The following SMC1B variants were observed in gnomAD, a reference collection of about 807,000 sequenced individuals.
SMC1B encodes the protein structural maintenance of chromosomes protein 1B.
In SMC1B, 60 loss-of-function variants were observed where a neutral mutation model predicts 157.9. That is an observed-to-expected ratio of 0.38 (90% CI 0.31 to 0.47). The LOEUF is 0.47. Ranked by LOEUF, SMC1B falls within the 20% of genes least tolerant of loss-of-function variation. SMC1B has a pLI of 0.99. For synonymous variants in SMC1B, 445 were observed against 483.0 expected (o/e 0.92, Z 1.03); for missense variants, 1,165 against 1,426.2 (o/e 0.82, Z 2.95).
chr22:45,396,068 TATAAC>T (rs2087120156), intron 7 of SMC1B, among the ~76,000 whole-genome samples: 1 of 152,252 alleles, frequency 6.6e-6, no homozygotes, highest in Admixed American at 6.5e-5. Flanking sequence ...TGTATAATTT[TATAAC>T]ATATCAATTA....
Position 45,344,337 on chromosome 22 carries a change from T to C in SMC1B, c.*219A>G, listed in dbSNP as rs1000340348. 31 of 346,758 alleles carry C rather than the reference T, an allele frequency of 8.9e-5. No homozygotes were observed. Among genetic ancestry groups the C allele is most frequent in the African/African-American group, 5.7e-4 (27 of 47,398 alleles). The allele number at this position is 346,758 out of a possible 1,614,324, so 21.5% of individuals were successfully genotyped here. A position where few individuals can be genotyped will look rare whatever the true frequency, so the allele number is the denominator to read the frequency against. On this transcript the variant is annotated 3_prime_UTR_variant, in exon 25 of 25. Coordinates refer to ENST00000357450, the MANE Select transcript of SMC1B (RefSeq NM_148674.5). Reference sequence around the variant, plus strand: ...TACCTTTTGTTTGTTTTTTAAAAACTCATTTGACACCAGCTCTCACTGAAA... The same window carrying C: ...TACCTTTTGTTTGTTTTTTAAAAACCCATTTGACACCAGCTCTCACTGAAA...
intron 23 of SMC1B, among the ~76,000 whole-genome samples, chr22:45,345,919 C>T (rs1022163177): frequency 7.2e-5 from 11 of 152,174 alleles, no homozygotes; most frequent in Non-Finnish European, 1.3e-4. Context: ...CGTATAACCT[C>T]CAGGCTGGGC....
chr22:45,347,427 C>A (rs1202748300), intron 23 of SMC1B, among the ~76,000 whole-genome samples: 11 of 152,046 alleles, frequency 7.2e-5, no homozygotes, highest in African/African-American at 2.4e-4. Context: ...TCAGAAGGTA[C>A]CTCAGGTTGC....
At chr22:45,366,162 T>A (rs1431603959) in intron 15 of SMC1B, among the ~76,000 whole-genome samples, 1 of 152,196 alleles carries the variant, frequency 6.6e-6, no homozygotes, top group Non-Finnish European at 1.5e-5. Context: ...TAGCTGGGAC[T>A]ACAGGCATGT....
chr22:45,381,657 T>C (rs1435919286), intron 12 of SMC1B, among the ~76,000 whole-genome samples: 1 of 152,210 alleles, frequency 6.6e-6, no homozygotes, highest in African/African-American at 2.4e-5. Flanking sequence ...AGCTGCCACC[T>C]GGTTCAGGTT....
In SMC1B at chr22:45,402,354, T is replaced by C. The variant is rs753058246; in HGVS notation, c.833A>G (p.Gln278Arg). The C allele has an allele frequency of 1.3e-5, 21 of 1,611,648 alleles. No individual in the cohort carries two copies. The East Asian group carries it at 4.7e-4, about 36-fold the overall frequency. ...TCACTTTAATTCTTTTTCTGTTTGT[T>C]GTAGTTGTCTAGTTAGCATTCCATG... ...KEHGMLTRQLQQTEKELKSVE... is the reference protein window; with the variant it reads ...KEHGMLTRQLRQTEKELKSVE... Residue 278 changes from glutamine (Q) to arginine (R), a missense_variant, in exon 5 of 25, where the codon CAA becomes CGA. Physicochemically the swap from Gln to Arg is conservative, Grantham distance 43. Coordinates refer to ENST00000357450, the MANE Select transcript of SMC1B (RefSeq NM_148674.5).
Position 45,372,135 on chromosome 22 carries a change from T to A in SMC1B, c.2196+20A>T. ...GTTCTGGGTCAAATGCCTATCATATTTTATGTAAGTCTATATTACCTGGTA... is the reference window on the plus strand; with the variant it reads ...GTTCTGGGTCAAATGCCTATCATATATTATGTAAGTCTATATTACCTGGTA... On this transcript the variant is annotated intron_variant, in intron 13 of 24. Coordinates refer to ENST00000357450, the MANE Select transcript of SMC1B (RefSeq NM_148674.5). The A allele has an allele frequency of 6.4e-7, 1 of 1,571,154 alleles. No homozygotes were observed. Among genetic ancestry groups the A allele is most frequent in the Non-Finnish European group, 8.6e-7 (1 of 1,160,528 alleles).
rs755019835 is a variant in SMC1B, at chr22:45,349,755, T to G, written c.3468A>C (p.Ala1156=). The change falls in exon 23 of 25, where the codon GCA becomes GCC. Residue 1156 remains alanine (A), a synonymous_variant. Transcript: ENST00000357450. ...TGCCTATGTTAGTATTGTCTAGGGC[T>G]GCATCCACTTCATCTAAAACAAAGA... The part of the protein sequence containing the change: ...APFFVLDEVD[A]ALDNTNIGKV... The G allele has an allele frequency of 6.2e-7, 1 of 1,612,856 alleles. No individual in the cohort carries two copies. The highest frequency in any genetic ancestry group is 1.7e-5 in the Admixed American group (1 of 59,664).
At chr22:45,393,971 A>AC in intron 8 of SMC1B, 130 bp from the exon 9 acceptor site, 1 of 647,556 alleles carries the variant, frequency 1.5e-6, no homozygotes, top group South Asian at 2.2e-5. Context: ...AGGGTAAAAA[A>AC]TGCAATAAAC....
chr22:45,395,565 G>T (rs1454133244), intron 7 of SMC1B, among the ~76,000 whole-genome samples: 1 of 152,058 alleles, frequency 6.6e-6, no homozygotes, highest in African/African-American at 2.4e-5. Context: ...CTTAGATATA[G>T]ATAAAAAATT....
chr22:45,397,024 T>A (rs909770666), intron 6 of SMC1B, among the ~76,000 whole-genome samples: 1 of 152,310 alleles, frequency 6.6e-6, no homozygotes, highest in Non-Finnish European at 1.5e-5. Flanking sequence ...CACATTTTTA[T>A]CGTTTATCTC....
intron 5 of SMC1B, 123 bp from the exon 6 acceptor site, chr22:45,399,476 A>T (rs949842078): frequency 8.6e-6 from 8 of 934,150 alleles, no homozygotes; most frequent in Non-Finnish European, 1.2e-5. Flanking sequence ...CAGAGACTGT[A>T]AGCAGATCAA....
intron 6 of SMC1B, among the ~76,000 whole-genome samples, chr22:45,398,755 T>C (rs577823603): frequency 2.2e-4 from 34 of 151,936 alleles, no homozygotes; most frequent in African/African-American, 8.0e-4. Flanking sequence ...CTTGAACCCA[T>C]AAGGCGGAGG....
intron 15 of SMC1B, among the ~76,000 whole-genome samples, 181 bp downstream of exon 15, chr22:45,369,773 T>C (rs1048750657): frequency 2.0e-5 from 3 of 152,132 alleles, no homozygotes; most frequent in African/African-American, 7.2e-5. Context: ...CTCGATCTCC[T>C]GACCTCGTGA....
chr22:45,348,729 TTTG>T (rs2086577410), intron 23 of SMC1B, among the ~76,000 whole-genome samples: 3 of 150,370 alleles, frequency 2.0e-5, no homozygotes, highest in African/African-American at 2.4e-5. Context: ...TTTTTTTTGT[TTTG>T]TTTTGTTTTT....
At chr22:45,408,481 G>T (rs1015518018) in intron 2 of SMC1B, among the ~76,000 whole-genome samples, 1 of 152,118 alleles carries the variant, frequency 6.6e-6, no homozygotes, top group African/African-American at 2.4e-5. Flanking sequence ...TGACAGTAGG[G>T]GGATTTGAAC....
intron 4 of SMC1B, among the ~76,000 whole-genome samples, chr22:45,404,428 C>T (rs1013094622): frequency 6.6e-5 from 10 of 152,110 alleles, no homozygotes; most frequent in Non-Finnish European, 1.3e-4. Flanking sequence ...GTAGAGAATC[C>T]CCTTTCCCTT....
chr22:45,380,380 A>T (rs1167904065), intron 12 of SMC1B, among the ~76,000 whole-genome samples: 14 of 152,158 alleles, frequency 9.2e-5, no homozygotes, highest in Admixed American at 9.2e-4. Flanking sequence ...GTTGATCCTT[A>T]GAGAAATTTT....
At chr22:45,393,534 A>C in intron 9 of SMC1B, 100 bp downstream of exon 9, 1 of 847,960 alleles carries the variant, frequency 1.2e-6, no homozygotes, top group Non-Finnish European at 1.8e-6. Context: ...ATTGCTTTGT[A>C]ATAATGGTAA....
Sources: allele counts gnomAD v4.1 joint callset (sites outside exome capture counted in the v4.1 genomes callset), GRCh38; gene constraint gnomAD v4.1.1; transcripts MANE v1.5; gene names NCBI Gene and HGNC (gene_info 2026-07-23, HGNC 2026-07-21).